SHTN1: variants seen among roughly 807,000 people sequenced by gnomAD.
SHTN1 encodes shootin-1.
A neutral mutation model predicts 83.1 loss-of-function variants in SHTN1; 42 were observed. The observed-to-expected ratio is 0.51, with a 90% CI of 0.39 to 0.65. SHTN1 has a LOEUF of 0.65. Ranked by LOEUF, SHTN1 falls within the 30% of genes least tolerant of loss-of-function variation. The pLI, the probability that SHTN1 is intolerant of heterozygous loss-of-function variation, is 0.00. For missense variants in SHTN1, 622 were observed against 737.8 expected, an observed-to-expected ratio of 0.84 and a Z score of 1.82; for synonymous variants, 224 against 247.7, an observed-to-expected ratio of 0.90 and a Z score of 0.90.
intron 1 of SHTN1, among the ~76,000 whole-genome samples, chr10:117,096,790 T>C (rs1172819882): frequency 6.6e-6 from 1 of 152,182 alleles, no homozygotes. Flanking sequence ...AATCCTCTCC[T>C]AGAAGCTGTT....
chr10:117,018,733 A>G (rs1413355402), intron 2 of SHTN1, among the ~76,000 whole-genome samples: 1 of 151,896 alleles, frequency 6.6e-6, no homozygotes. Context: ...CACCATGCCC[A>G]GCTAATTTTG....
chr10:116,953,774 CCTGCCACCACGCCCAG>C (rs1849875096), intron 5 of SHTN1, among the ~76,000 whole-genome samples: 1 of 151,768 alleles, frequency 6.6e-6, no homozygotes, highest in Admixed American at 6.6e-5. Flanking sequence ...ATTACAGGCA[CCTGCCACCACGCCCAG>C]CTAATTTTTG....
intron 10 of SHTN1, among the ~76,000 whole-genome samples, chr10:116,928,355 G>A (rs751689471): frequency 3.9e-5 from 6 of 152,118 alleles, no homozygotes; most frequent in Non-Finnish European, 8.8e-5. Context: ...GCAAATACTA[G>A]AGTCTTTGAT....
intron 1 of SHTN1, among the ~76,000 whole-genome samples, chr10:117,089,251 A>T (rs2133618848): frequency 6.6e-6 from 1 of 152,338 alleles, no homozygotes; most frequent in South Asian, 2.1e-4. Context: ...TGTGGTGTGT[A>T]CATTTTTCAA....
intron 13 of SHTN1, 32 bp downstream of exon 13, chr10:116,915,343 A>G: frequency 8.8e-7 from 1 of 1,134,420 alleles, no homozygotes; most frequent in Non-Finnish European, 1.3e-6. Context: ...GGAAATATCA[A>G]ACAGGGAAAA....
rs1847081498 is a variant in SHTN1, at chr10:116,883,508, G to A, written c.*2836C>T. The A allele has an allele frequency of 6.6e-6, 1 of 152,192 alleles. No individual in the cohort carries two copies. Among genetic ancestry groups the A allele is most frequent in the South Asian group, 2.1e-4 (1 of 4,828 alleles). The allele number at this position is 152,192 out of a possible 1,614,324, so 9.4% of individuals were successfully genotyped here. On this transcript the variant is annotated 3_prime_UTR_variant, in exon 17 of 17. Coordinates refer to ENST00000355371, the MANE Select transcript of SHTN1 (RefSeq NM_001127211.3). ...TTCTCGACAACTTACTGGTATATAA[G>A]CTAATGTTGTTCCACAACGAGTGTA...
intron 1 of SHTN1, among the ~76,000 whole-genome samples, chr10:117,096,104 A>G (rs1853500086): frequency 6.6e-6 from 1 of 152,186 alleles, no homozygotes; most frequent in Non-Finnish European, 1.5e-5. Context: ...TTTACCTCTA[A>G]TATCTTTGTT....
At chr10:117,004,978 C>A (rs1194391381) in intron 1 of SHTN1, 44 bp downstream of exon 1, 3 of 1,553,462 alleles carry the variant, frequency 1.9e-6, no homozygotes, top group East Asian at 2.3e-5. Flanking sequence ...CGTCCCCGCC[C>A]ACGGGCCGCG....
At chr10:116,963,045 T>G (rs1322861067) in intron 3 of SHTN1, among the ~76,000 whole-genome samples, 4 of 7,826 alleles carry the variant, frequency 5.1e-4, no homozygotes, top group South Asian at 7.6e-3. Context: ...GTTTTTTTTT[T>G]TTTTTTTTTT....
intron 1 of SHTN1, among the ~76,000 whole-genome samples, chr10:117,054,654 G>A (rs760759883): frequency 9.9e-5 from 15 of 151,882 alleles, no homozygotes; most frequent in East Asian, 9.7e-4. Flanking sequence ...TGATCCGCCC[G>A]TCTCGGCCTC....
rs188678073 is a variant in SHTN1, at chr10:117,114,062, A to T, written c.-189+12245T>A. On this transcript the variant is annotated intron_variant, in intron 1 of 17. Transcript: ENST00000392901. ...ACTCCGTCTCAAAAATAAAATAAAA[A>T]AAAAAAGCTGGGCACAATGGTGTGC... 3.9e-3 allele frequency among the ~76,000 whole-genome samples: 599 copies of T among 152,204 alleles called. 4 individuals carry two copies. The highest frequency in any genetic ancestry group is 0.014 in the African/African-American group (565 of 41,536).
intron 1 of SHTN1, among the ~76,000 whole-genome samples, chr10:116,984,836 C>T (rs917609220): frequency 2.0e-5 from 3 of 152,210 alleles, no homozygotes; most frequent in African/African-American, 7.2e-5. Flanking sequence ...TGGAATCCCA[C>T]TCTACTGCCC....
chr10:117,004,823 CGCGTTATCCTCGGTCCAGA>C (rs1009437661), intron 1 of SHTN1, among the ~76,000 whole-genome samples, 180 bp downstream of exon 1: 5 of 152,222 alleles, frequency 3.3e-5, no homozygotes, highest in Admixed American at 6.5e-5. Context: ...CCCGACACTC[CGCGTTATCCTCGGTCCAGA>C]GCTTTCCCAG....
intron 16 of SHTN1, 106 bp downstream of exon 16, chr10:116,901,659 G>A (rs1477928233): frequency 1.3e-5 from 17 of 1,353,468 alleles, no homozygotes; most frequent in African/African-American, 4.6e-5. Flanking sequence ...AGAATTTACC[G>A]GCGAGCCAAT....
chr10:117,123,267 G>A (rs945048142), intron 1 of SHTN1, among the ~76,000 whole-genome samples: 9 of 152,250 alleles, frequency 5.9e-5, no homozygotes, highest in African/African-American at 2.2e-4. Context: ...CTCCCAATAC[G>A]TGGGTTCTTT....
At chr10:116,978,699 T>C (rs1178557484) in intron 2 of SHTN1, among the ~76,000 whole-genome samples, 3 of 152,118 alleles carry the variant, frequency 2.0e-5, no homozygotes, top group Non-Finnish European at 4.4e-5. Context: ...AATTCAATTA[T>C]TTAACAGTTA....
In SHTN1 at chr10:116,921,530, A is replaced by G. The variant is rs765015633; in HGVS notation, c.1113-14T>C. 19 of 1,601,202 alleles carry G rather than the reference A, an allele frequency of 1.2e-5. No homozygotes were observed. The African/African-American group carries it at 2.6e-4, about 21-fold the overall frequency. ...GACATGAGGGATCTTTGGGAGAAAG[A>G]AAAAGATCAACAGGAGATTACTGGA... On this transcript the variant is annotated splice_polypyrimidine_tract_variant and intron_variant, in intron 11 of 16. Coordinates refer to ENST00000355371, the MANE Select transcript of SHTN1 (RefSeq NM_001127211.3).
intron 6 of SHTN1, among the ~76,000 whole-genome samples, chr10:116,950,753 T>C (rs1014004159): frequency 5.9e-5 from 9 of 152,164 alleles, no homozygotes; most frequent in Admixed American, 5.2e-4. Context: ...AACGGTAAGG[T>C]CCTTTCCAAA....
intron 1 of SHTN1, among the ~76,000 whole-genome samples, chr10:117,095,241 C>G (rs1052666454): frequency 6.6e-6 from 1 of 152,216 alleles, no homozygotes; most frequent in African/African-American, 2.4e-5. Context: ...ATTTCCCACA[C>G]ACCTGCATTT....
Sources: gnomAD v4.1 joint callset for allele counts (sites outside exome capture counted in the v4.1 genomes callset) on GRCh38, gnomAD v4.1.1 for gene constraint, MANE v1.5 for transcripts, NCBI Gene and HGNC (gene_info 2026-07-23, HGNC 2026-07-21) for gene names.